KLHL2: variants seen among roughly 807,000 people sequenced by gnomAD.
KLHL2 encodes the protein kelch like family member 2, also known as kelch-like protein 2.
KLHL2 carries 15 observed loss-of-function variants against 75.8 expected under a neutral mutation model. That is an observed-to-expected ratio of 0.20 (90% CI 0.13 to 0.30). The LOEUF (loss-of-function observed/expected upper bound fraction) is 0.30, where lower values mean the gene tolerates loss of function less well. Ranked by LOEUF, KLHL2 falls within the 10% of genes least tolerant of loss-of-function variation. KLHL2 has a pLI of 1.00. For missense variants in KLHL2, 381 were observed against 741.0 expected (o/e 0.51, Z 5.64); for synonymous variants, 214 against 251.9 (o/e 0.85, Z 1.42).
At chr4:165,250,224 A>T (rs1331165152) in intron 4 of KLHL2, among the ~76,000 whole-genome samples, 1 of 152,156 alleles carries the variant, frequency 6.6e-6, no homozygotes, top group Non-Finnish European at 1.5e-5. Flanking sequence ...CTCCTCCAAC[A>T]TTGCCCTCCA....
At chr4:165,244,204 C>T (rs1312418383) in intron 4 of KLHL2, among the ~76,000 whole-genome samples, 1 of 152,222 alleles carries the variant, frequency 6.6e-6, no homozygotes, top group African/African-American at 2.4e-5. Flanking sequence ...GATCAAGCCA[C>T]TCCAAAGCAG....
intron 5 of KLHL2, among the ~76,000 whole-genome samples, chr4:165,268,491 C>T (rs1742421952): frequency 6.6e-6 from 1 of 152,076 alleles, no homozygotes; most frequent in Non-Finnish European, 1.5e-5. Flanking sequence ...TAAATGTGTC[C>T]CAGAGATTCT....
chr4:165,210,048 A>G, intron 1 of KLHL2: 1 of 1,549,904 alleles, frequency 6.5e-7, no homozygotes, highest in Admixed American at 2.0e-5. Flanking sequence ...AACAGAGGCC[A>G]GTGGAAACTA....
At chr4:165,260,468 A>G (rs540938041) in intron 4 of KLHL2, among the ~76,000 whole-genome samples, 56 of 152,142 alleles carry the variant, frequency 3.7e-4, no homozygotes, top group Non-Finnish European at 6.9e-4. Flanking sequence ...AATTTTATGA[A>G]TTTCGGTCTC....
At chr4:165,216,858 TTCCTTTAAGCCTTTGAA>T (rs1737576531) in intron 1 of KLHL2, among the ~76,000 whole-genome samples, 1 of 152,196 alleles carries the variant, frequency 6.6e-6, no homozygotes, top group Non-Finnish European at 1.5e-5. Context: ...TTCTTACTTA[TTCCTTTAAGCCTTTGAA>T]TAAAGTCTTC....
At chr4:165,209,504 A>C (rs942948788) in intron 1 of KLHL2, 1 of 152,226 alleles carries the variant, frequency 6.6e-6, no homozygotes, top group Non-Finnish European at 1.5e-5. Flanking sequence ...GGAGGGAGGG[A>C]GGGAATAGAG....
intron 2 of KLHL2, chr4:165,223,893 G>A (rs1358966339): frequency 6.8e-6 from 3 of 439,372 alleles, no homozygotes; most frequent in Non-Finnish European, 1.4e-5. Flanking sequence ...GGACAGAGAA[G>A]CAGACTGTAC....
At chr4:165,310,038 T>A (rs1746028426) in intron 9 of KLHL2, among the ~76,000 whole-genome samples, 1 of 152,164 alleles carries the variant, frequency 6.6e-6, no homozygotes, top group Non-Finnish European at 1.5e-5. Flanking sequence ...TTGCATTTTT[T>A]AATAACCTTA....
In KLHL2 at chr4:165,310,769, A is replaced by G. The variant is rs758585475; in HGVS notation, c.1237+19A>G. On this transcript the variant is annotated intron_variant, in intron 10 of 14. Transcript: ENST00000226725. ...AGTACAGGTAATTTCCTTTTCATTT[A>G]TTCTACATTGCTGCTAAAATTAACG... is the stretch of plus-strand genomic sequence containing the variant. The G allele has an allele frequency of 3.2e-6, 5 of 1,570,216 alleles. No individual in the cohort carries two copies. Among genetic ancestry groups the G allele is most frequent in the Admixed American group, 1.7e-5 (1 of 59,912 alleles).
At chr4:165,217,621 G>T (rs1018922045) in intron 1 of KLHL2, among the ~76,000 whole-genome samples, 1 of 152,184 alleles carries the variant, frequency 6.6e-6, no homozygotes, top group Non-Finnish European at 1.5e-5. Context: ...ATGTGCACTT[G>T]TAGTAGGCAA....
intron 3 of KLHL2, among the ~76,000 whole-genome samples, chr4:165,236,386 CTGTT>C (rs1739350142): frequency 6.6e-6 from 1 of 151,870 alleles, no homozygotes; most frequent in African/African-American, 2.4e-5. Flanking sequence ...AGTTTTTTTT[CTGTT>C]TGTTTTAAAT....
Position 165,322,627 on chromosome 4 carries a change from T to C in KLHL2, c.*567T>C, listed in dbSNP as rs1747065438. On this transcript the variant is annotated 3_prime_UTR_variant, in exon 15 of 15. Transcript: ENST00000226725. ...CCTTTAAATATGTTTGAAAAGATGT[T>C]TGAAACTTGATTATACTATTTATAA... 6.5e-6 allele frequency: 1 copy of C among 152,698 alleles called. No homozygotes were observed. Among genetic ancestry groups the C allele is most frequent in the Non-Finnish European group, 1.5e-5 (1 of 68,116 alleles). 9.5% of individuals were successfully genotyped at this position (152,698 alleles called of 1,614,324 possible).
chr4:165,310,583 C>T lies in KLHL2; in HGVS notation c.1070C>T (p.Ala357Val). 6.2e-7 allele frequency: 1 copy of T among 1,613,900 alleles called. No individual in the cohort carries two copies. The highest frequency in any genetic ancestry group is 8.5e-7 in the Non-Finnish European group (1 of 1,179,870). The change falls in exon 10 of 15, where the codon GCT becomes GTT. Residue 357 changes from alanine (A) to valine (V), a missense_variant. Coordinates refer to ENST00000226725, the MANE Select transcript of KLHL2 (RefSeq NM_007246.4). Reference protein sequence around the residue: ...GMVYMAGLVFAVGGFNGSLRV... With the variant: ...GMVYMAGLVFVVGGFNGSLRV... The stretch of plus-strand genomic sequence containing the variant: ...GTCTACATGGCTGGACTTGTTTTTG[C>T]TGTTGGTGGCTTTAATGGCTCATTA...
chr4:165,283,093 T>C (rs778144973), intron 5 of KLHL2, among the ~76,000 whole-genome samples: 42 of 152,158 alleles, frequency 2.8e-4, no homozygotes, highest in Non-Finnish European at 5.4e-4. Context: ...ATCCCCATAA[T>C]TCAGTTGTCT....
chr4:165,318,079 G>A, intron 14 of KLHL2, 110 bp downstream of exon 14: 4 of 941,134 alleles, frequency 4.3e-6, no homozygotes, highest in Non-Finnish European at 6.5e-6. Context: ...TCAAGGTATA[G>A]TTTATATCTT....
chr4:165,259,784 A>T (rs1446060371), intron 4 of KLHL2, among the ~76,000 whole-genome samples: 1 of 152,224 alleles, frequency 6.6e-6, no homozygotes. Context: ...GGTTGAAGGT[A>T]TTAGAACAGT....
chr4:165,306,887 G>A (rs1208811858), intron 9 of KLHL2, among the ~76,000 whole-genome samples: 1 of 152,156 alleles, frequency 6.6e-6, no homozygotes, highest in Admixed American at 6.5e-5. Context: ...ATCTTTTAAT[G>A]TAGTCCTGTA....
chr4:165,209,972 T>C, intron 1 of KLHL2: 1 of 1,459,088 alleles, frequency 6.9e-7, no homozygotes, highest in Non-Finnish European at 9.1e-7. Flanking sequence ...TGTGCCGGAT[T>C]TGAGACTTGC....
intron 5 of KLHL2, among the ~76,000 whole-genome samples, chr4:165,291,678 C>T (rs924150653): frequency 3.0e-4 from 45 of 152,106 alleles, no homozygotes; most frequent in Admixed American, 2.9e-3. Context: ...TCTGTTGTGT[C>T]GACCTACAGT....
Sources: gnomAD v4.1 joint callset for allele counts (sites outside exome capture counted in the v4.1 genomes callset) on GRCh38, gnomAD v4.1.1 for gene constraint, MANE v1.5 for transcripts, NCBI Gene and HGNC (gene_info 2026-07-23, HGNC 2026-07-21) for gene names.